PARD3: variants seen among roughly 807,000 people sequenced by gnomAD.
PARD3 encodes par-3 family cell polarity regulator.
Under a neutral mutation model 155.4 loss-of-function variants are expected in PARD3, and 75 were observed. The observed-to-expected ratio is 0.48, with a 90% CI of 0.40 to 0.58. The LOEUF (loss-of-function observed/expected upper bound fraction) is 0.58, where lower values mean the gene tolerates loss of function less well. PARD3 is among the 20% of genes least tolerant of loss of function. The pLI, the probability that PARD3 is intolerant of heterozygous loss-of-function variation, is 0.00. For missense variants in PARD3, 1,642 were observed against 1,721.7 expected (o/e 0.95, Z 0.82); for synonymous variants, 576 against 610.5 (o/e 0.94, Z 0.83).
At chr10:34,386,871 G>A (rs937756665) in intron 7 of PARD3, among the ~76,000 whole-genome samples, 4 of 151,652 alleles carry the variant, frequency 2.6e-5, no homozygotes, top group African/African-American at 9.7e-5. Context: ...GATGAATGAG[G>A]AAGATTAATA....
intron 24 of PARD3, among the ~76,000 whole-genome samples, chr10:34,115,112 A>G (rs1946594029): frequency 6.6e-6 from 1 of 152,196 alleles, no homozygotes; most frequent in Admixed American, 6.5e-5. Context: ...TGAGGGGGAC[A>G]CAGACAGAAG....
chr10:34,254,278 C>T lies in PARD3; in HGVS notation c.3419+15379G>A, dbSNP rs185938108. Among the ~76,000 whole-genome samples, 684 of 152,084 alleles carry T rather than the reference C, an allele frequency of 4.5e-3. 15 individuals carry two copies. The highest frequency in any genetic ancestry group is 0.035 in the Admixed American group (540 of 15,292). ...GCTGTAGTCCCAGCTACTCAGGAGG[C>T]TGAGGCAGAAGAATGGCGTGAACCC... On this transcript the variant is annotated intron_variant, in intron 22 of 24. Transcript: ENST00000374788.
At chr10:34,775,739 G>C (rs1839443813) in intron 1 of PARD3, among the ~76,000 whole-genome samples, 1 of 152,206 alleles carries the variant, frequency 6.6e-6, no homozygotes, top group South Asian at 2.1e-4. Context: ...AAGAAGTGGA[G>C]AGAACTCTCT....
At chr10:34,448,148 TG>T (rs2076856354) in intron 5 of PARD3, among the ~76,000 whole-genome samples, 1 of 151,528 alleles carries the variant, frequency 6.6e-6, no homozygotes, top group African/African-American at 2.4e-5. Flanking sequence ...TGTGTGTGTG[TG>T]TGTGTGTGTG....
chr10:34,184,703 T>TG (rs1228340121), intron 22 of PARD3, among the ~76,000 whole-genome samples: 21 of 151,130 alleles, frequency 1.4e-4, no homozygotes, highest in Admixed American at 5.3e-4. Flanking sequence ...TTTCGGTTTT[T>TG]TTTTTTTTTT....
chr10:34,586,029 A>T (rs963458831), intron 2 of PARD3, among the ~76,000 whole-genome samples: 1 of 152,172 alleles, frequency 6.6e-6, no homozygotes, highest in Non-Finnish European at 1.5e-5. Flanking sequence ...TCAGTAATTT[A>T]AAAAAATTAC....
At chr10:34,582,480 G>A (rs1376605558) in intron 2 of PARD3, among the ~76,000 whole-genome samples, 1 of 152,198 alleles carries the variant, frequency 6.6e-6, no homozygotes, top group Non-Finnish European at 1.5e-5. Context: ...ATATCCTCTT[G>A]TAGCCACTTG....
intron 4 of PARD3, among the ~76,000 whole-genome samples, chr10:34,468,909 T>C (rs2078173903): frequency 6.6e-6 from 1 of 152,220 alleles, no homozygotes; most frequent in Non-Finnish European, 1.5e-5. Flanking sequence ...CTTATGTGAT[T>C]AGTATTATTT....
intron 1 of PARD3, among the ~76,000 whole-genome samples, chr10:34,795,784 C>T (rs1369358004): frequency 6.6e-6 from 1 of 152,100 alleles, no homozygotes; most frequent in Non-Finnish European, 1.5e-5. Context: ...ATCCCAGCTA[C>T]TCAGGAGGCT....
At chr10:34,398,926 G>A (rs537106502) in intron 7 of PARD3, among the ~76,000 whole-genome samples, 4 of 152,024 alleles carry the variant, frequency 2.6e-5, no homozygotes, top group Non-Finnish European at 5.9e-5. Flanking sequence ...CAAATTTAAA[G>A]CTTAAATCAA....
intron 2 of PARD3, among the ~76,000 whole-genome samples, chr10:34,600,961 A>G (rs934332948): frequency 1.0e-5 from 1 of 96,052 alleles, no homozygotes; most frequent in Non-Finnish European, 2.1e-5. Context: ...CCATTTTTTT[A>G]ATTTTTTTTT....
chr10:34,353,467 G>A (rs985171281), intron 14 of PARD3, among the ~76,000 whole-genome samples: 1 of 152,138 alleles, frequency 6.6e-6, no homozygotes, highest in Non-Finnish European at 1.5e-5. Flanking sequence ...AGGGTTAAAT[G>A]GATTAAGGGC....
chr10:34,344,993 AT>A lies in PARD3; in HGVS notation c.2218+2971del, dbSNP rs60880586. 15 of 985,290 alleles carry A rather than the reference AT, an allele frequency of 1.5e-5. No homozygotes were observed. In the African/African-American group the frequency reaches 2.6e-4, roughly 17 times the overall value. The allele number at this position is 985,290 out of a possible 1,614,324, so 61.0% of individuals were successfully genotyped here. ...TGCTTTCAAAGATTTAACGTCTTTG[AT>A]TTTTTTAGTCACCATGGGTGCCAGG... On this transcript the variant is annotated intron_variant, in intron 15 of 24. Coordinates refer to ENST00000374788, the MANE Select transcript of PARD3 (RefSeq NM_001184785.2).
At chr10:34,252,413 C>T (rs1954371899) in intron 22 of PARD3, among the ~76,000 whole-genome samples, 1 of 152,172 alleles carries the variant, frequency 6.6e-6, no homozygotes, top group African/African-American at 2.4e-5. Context: ...CTCCCTTCCC[C>T]GTTGCTCTCC....
chr10:34,323,594 T>C (rs1397663703), intron 19 of PARD3, among the ~76,000 whole-genome samples: 1 of 152,192 alleles, frequency 6.6e-6, no homozygotes, highest in Admixed American at 6.5e-5. Context: ...TTTCAATATA[T>C]GTGGGTGAAG....
intron 22 of PARD3, among the ~76,000 whole-genome samples, chr10:34,157,634 A>G (rs1433385587): frequency 1.3e-5 from 2 of 152,170 alleles, no homozygotes; most frequent in Non-Finnish European, 2.9e-5. Context: ...TTTCACAATA[A>G]AACTGTTTTG....
At chr10:34,291,074 GT>G (rs1281481131) in intron 20 of PARD3, among the ~76,000 whole-genome samples, 1 of 152,022 alleles carries the variant, frequency 6.6e-6, no homozygotes, top group Non-Finnish European at 1.5e-5. Flanking sequence ...CACATTCTTG[GT>G]GCAGAACTAA....
chr10:34,312,112 G>C, intron 20 of PARD3: 1 of 629,016 alleles, frequency 1.6e-6, no homozygotes, highest in South Asian at 2.1e-5. Context: ...AGAAAGGAAA[G>C]AGAAAAAAAC....
At chr10:34,194,612 CTTTTT>C (rs34506915) in intron 22 of PARD3, among the ~76,000 whole-genome samples, 7 of 120,958 alleles carry the variant, frequency 5.8e-5, no homozygotes, top group African/African-American at 9.5e-5. Context: ...TATGCCAAAG[CTTTTT>C]TTTTTTTTTT....
Sources: allele counts gnomAD v4.1 joint callset (sites outside exome capture counted in the v4.1 genomes callset), GRCh38; gene constraint gnomAD v4.1.1; transcripts MANE v1.5; gene names NCBI Gene and HGNC (gene_info 2026-07-23, HGNC 2026-07-21).